The following SRC variants were observed in gnomAD, a reference collection of about 807,000 sequenced individuals.
SRC encodes SRC proto-oncogene, non-receptor tyrosine kinase, also known as proto-oncogene tyrosine-protein kinase Src.
In SRC, 13 loss-of-function variants were observed where a neutral mutation model predicts 62.9. The ratio of observed to expected loss-of-function variants is 0.21; its 90% CI spans 0.13 to 0.33. The LOEUF (loss-of-function observed/expected upper bound fraction) is 0.33, where lower values mean the gene tolerates loss of function less well. Among genes scored for constraint, SRC ranks in the 10% least tolerant of loss-of-function variants. The pLI, the probability that SRC is intolerant of heterozygous loss-of-function variation, is 1.00. For synonymous variants in SRC, 302 were observed against 317.5 expected (o/e 0.95, Z 0.52); for missense variants, 457 against 737.3 (o/e 0.62, Z 4.40).
At chr20:37,375,797 A>G (rs955734522) in intron 2 of SRC, among the ~76,000 whole-genome samples, 4 of 152,194 alleles carry the variant, frequency 2.6e-5, no homozygotes, top group Admixed American at 2.0e-4. Context: ...TAAACCATGA[A>G]CATTTATTTC....
rs1423502982 is a variant in SRC at position 37,397,904 on chromosome 20, G to A, written c.859+50G>A. 3 of 1,564,364 alleles carry A rather than the reference G, an allele frequency of 1.9e-6. No individual in the cohort carries two copies. Among genetic ancestry groups the A allele is most frequent in the African/African-American group, 1.4e-5 (1 of 73,764 alleles). ...GAGAGGCATCCACCCCCCACCCCGT[G>A]TGGCAGCTCCGGGCTCCCTTGGTCC... On this transcript the variant is annotated intron_variant, in intron 9 of 13. Transcript: ENST00000373578. This position sits in a 1 kb window ranked among gnomAD's most constrained non-coding sequence, Gnocchi z 4.1.
chr20:37,349,361 C>T (rs2069768160), intron 1 of SRC, among the ~76,000 whole-genome samples: 1 of 152,060 alleles, frequency 6.6e-6, no homozygotes, highest in South Asian at 2.1e-4. Flanking sequence ...AGGTAGGGAG[C>T]AGGGAGGGGT....
intron 5 of SRC, among the ~76,000 whole-genome samples, chr20:37,390,943 C>G (rs927562137): frequency 2.4e-4 from 37 of 152,204 alleles, no homozygotes; most frequent in African/African-American, 8.9e-4. Flanking sequence ...CATCTCTCTC[C>G]CTGCCCCTTG....
chr20:37,373,281 C>CAT (rs1178351956), intron 2 of SRC, among the ~76,000 whole-genome samples: 12 of 147,372 alleles, frequency 8.1e-5, no homozygotes, highest in Admixed American at 6.0e-4. Context: ...CACACACACA[C>CAT]ACATATTACA....
intron 5 of SRC, among the ~76,000 whole-genome samples, chr20:37,388,039 G>A (rs1223795494): frequency 6.6e-6 from 1 of 152,222 alleles, no homozygotes; most frequent in Non-Finnish European, 1.5e-5. Context: ...GGAAGGCTCA[G>A]TGGAGGTGCA....
At chr20:37,381,026 G>A (rs574379512) in intron 2 of SRC, among the ~76,000 whole-genome samples, 3 of 152,026 alleles carry the variant, frequency 2.0e-5, no homozygotes, top group African/African-American at 7.2e-5. Flanking sequence ...ATTCCCGATC[G>A]ATAGAGAGGA....
In SRC at chr20:37,397,953, G is replaced by A. The variant is rs902030749; in HGVS notation, c.859+99G>A. The A allele has an allele frequency of 2.9e-6, 4 of 1,384,338 alleles. No individual in the cohort carries two copies. Among genetic ancestry groups the A allele is most frequent in the African/African-American group, 2.9e-5 (2 of 69,038 alleles). The allele number at this position is 1,384,338 out of a possible 1,614,324, so 85.8% of individuals were successfully genotyped here. A position where few individuals can be genotyped will look rare whatever the true frequency, so the allele number is the denominator to read the frequency against. On this transcript the variant is annotated intron_variant, in intron 9 of 13. Coordinates refer to ENST00000373578, the MANE Select transcript of SRC (RefSeq NM_198291.3). This position sits in a 1 kb window ranked among gnomAD's most constrained non-coding sequence, Gnocchi z 4.1. ...CCCTTTGCCTTTAGCTGCCTCTGCT[G>A]GATGACGGGGCCCTGTTGTAAATCT...
chr20:37,366,997 T>C (rs2070072191), intron 2 of SRC, among the ~76,000 whole-genome samples: 1 of 152,222 alleles, frequency 6.6e-6, no homozygotes, highest in African/African-American at 2.4e-5. Context: ...CAGCAATGTC[T>C]GAGGGTTCCA....
At chr20:37,370,362 G>A (rs1440747491) in intron 2 of SRC, among the ~76,000 whole-genome samples, 7 of 152,212 alleles carry the variant, frequency 4.6e-5, no homozygotes, top group African/African-American at 1.2e-4. Flanking sequence ...ATTGCCTGAG[G>A]TCAGGAGTTC....
At chr20:37,360,218 CTT>C (rs61476973) in intron 1 of SRC, among the ~76,000 whole-genome samples, 7 of 105,620 alleles carry the variant, frequency 6.6e-5, no homozygotes, top group Admixed American at 9.8e-5. Context: ...CTCTCTCTCT[CTT>C]TTTTTTTTTT....
rs575973831 is a variant in SRC, at chr20:37,400,948, A to G, written c.1039+654A>G. ...TGTTTTGTTTATTCTAGAATTTCAT[A>G]CATGGAATCTTTTACATCTGGGATG... is the stretch of plus-strand genomic sequence containing the variant. On this transcript the variant is annotated intron_variant, in intron 10 of 13. Transcript: ENST00000373578. Among the ~76,000 whole-genome samples, 133 of 152,276 alleles carry G rather than the reference A, an allele frequency of 8.7e-4. 1 individual carries two copies. The highest frequency in any genetic ancestry group is 3.1e-3 in the African/African-American group (127 of 41,564).
intron 9 of SRC, 142 bp from the exon 10 acceptor site, chr20:37,399,972 GA>G: frequency 1.4e-6 from 1 of 705,950 alleles, no homozygotes; most frequent in Non-Finnish European, 2.2e-6. Flanking sequence ...CTGAGGCTCA[GA>G]AAGGGCCCAG....
intron 2 of SRC, among the ~76,000 whole-genome samples, chr20:37,380,177 T>C (rs1053865557): frequency 1.3e-5 from 2 of 152,094 alleles, no homozygotes. Context: ...GACGTTCTGC[T>C]CGGAGCTTTC....
intron 4 of SRC, 81 bp from the exon 5 acceptor site, chr20:37,385,994 C>T: frequency 8.8e-7 from 1 of 1,137,062 alleles, no homozygotes; most frequent in Non-Finnish European, 1.3e-6. Flanking sequence ...AAATCCACTC[C>T]TCCTGGGTAC....
At chr20:37,390,049 T>C (rs947165459) in intron 5 of SRC, among the ~76,000 whole-genome samples, 1 of 152,212 alleles carries the variant, frequency 6.6e-6, no homozygotes, top group African/African-American at 2.4e-5. Flanking sequence ...GATTGATATC[T>C]CCATTTCACA....
rs775089089 is a variant in SRC, at chr20:37,405,119, C to T, written c.*1740C>T. 2.6e-5 allele frequency: 6 copies of T among 233,154 alleles called. No individual in the cohort carries two copies. The highest frequency in any genetic ancestry group is 5.6e-5 in the Admixed American group (1 of 17,756). 14.4% of individuals were successfully genotyped at this position (233,154 alleles called of 1,614,324 possible). A position where few individuals can be genotyped will look rare whatever the true frequency, so the allele number is the denominator to read the frequency against. On this transcript the variant is annotated 3_prime_UTR_variant, in exon 14 of 14. Transcript: ENST00000373578. ...TTTCCTTTCATACGTCTTTATTACCCAAGTCTTCTCCCGTCCATTCCAGTC... is the reference window on the plus strand; with the variant it reads ...TTTCCTTTCATACGTCTTTATTACCTAAGTCTTCTCCCGTCCATTCCAGTC...
At chr20:37,373,157 TACAC>T (rs539804735) in intron 2 of SRC, among the ~76,000 whole-genome samples, 3 of 94,784 alleles carry the variant, frequency 3.2e-5, no homozygotes, top group South Asian at 2.5e-4. Flanking sequence ...TATACACACA[TACAC>T]ACATATATGT....
chr20:37,360,238 T>G (rs1044163257), intron 1 of SRC, among the ~76,000 whole-genome samples: 1 of 145,974 alleles, frequency 6.9e-6, no homozygotes, highest in African/African-American at 2.6e-5. Context: ...TTTTTTTTTT[T>G]GGTGAGACAG....
In SRC at chr20:37,388,659, G is replaced by A. The variant is rs1466937839; in HGVS notation, c.350+2485G>A. On this transcript the variant is annotated intron_variant, in intron 5 of 13. Coordinates refer to ENST00000373578, the MANE Select transcript of SRC (RefSeq NM_198291.3). ...GCTACTCAGGAGGCTGAGGCAGGAG[G>A]ATCGCTGGAACCAGGAGTTGAAGGC... Among the ~76,000 whole-genome samples, 3 of 152,304 alleles carry A rather than the reference G, an allele frequency of 2.0e-5. No homozygotes were observed. In the East Asian group the frequency reaches 5.8e-4, roughly 29 times the overall value.
Sources: allele counts gnomAD v4.1 joint callset (sites outside exome capture counted in the v4.1 genomes callset), GRCh38; gene constraint gnomAD v4.1.1; non-coding constraint Gnocchi (gnomAD v3.1); transcripts MANE v1.5; gene names NCBI Gene and HGNC (gene_info 2026-07-23, HGNC 2026-07-21).